BCAS1: variants seen among roughly 807,000 people sequenced by gnomAD.
BCAS1 encodes the protein brain enriched myelin associated protein 1.
BCAS1 carries 46 observed loss-of-function variants against 65.4 expected under a neutral mutation model. The ratio of observed to expected loss-of-function variants is 0.70; its 90% CI spans 0.55 to 0.90. The LOEUF is 0.90. BCAS1 is among the 40% of genes least tolerant of loss of function. The pLI, the probability that BCAS1 is intolerant of heterozygous loss-of-function variation, is 0.00. For synonymous variants in BCAS1, 298 were observed against 293.5 expected, an observed-to-expected ratio of 1.02 and a Z score of -0.16; for missense variants, 793 against 771.2, an observed-to-expected ratio of 1.03 and a Z score of -0.33.
At chr20:53,957,767 G>A (rs552662360) in intron 10 of BCAS1, among the ~76,000 whole-genome samples, 7 of 152,206 alleles carry the variant, frequency 4.6e-5, no homozygotes, top group East Asian at 1.9e-4. Flanking sequence ...AAATGATGAC[G>A]GTTCCAATTA....
chr20:54,011,648 T>G (rs149410566), intron 4 of BCAS1, among the ~76,000 whole-genome samples: 280 of 152,342 alleles, frequency 1.8e-3, no homozygotes, highest in Middle Eastern at 0.014. Flanking sequence ...TCACTTTACA[T>G]TGCTGGTAGA....
intron 8 of BCAS1, among the ~76,000 whole-genome samples, chr20:53,981,215 C>T (rs866212820): frequency 2.6e-5 from 4 of 152,340 alleles, no homozygotes; most frequent in Admixed American, 2.0e-4. Flanking sequence ...CCATTAACTT[C>T]ACAGTAGCCC....
chr20:54,020,030 G>C (rs2091523220), intron 4 of BCAS1, among the ~76,000 whole-genome samples: 1 of 152,142 alleles, frequency 6.6e-6, no homozygotes, highest in Non-Finnish European at 1.5e-5. Context: ...TATTAGTTCT[G>C]TCCCTTTGGA....
At chr20:54,041,911 A>G (rs866540829) in intron 3 of BCAS1, among the ~76,000 whole-genome samples, 2 of 140,908 alleles carry the variant, frequency 1.4e-5, no homozygotes, top group African/African-American at 5.5e-5. Flanking sequence ...GTCTCCCCCA[A>G]AAAAAAAAAA....
At chr20:53,960,099 T>C (rs1476157692) in intron 10 of BCAS1, among the ~76,000 whole-genome samples, 3 of 152,166 alleles carry the variant, frequency 2.0e-5, no homozygotes, top group Non-Finnish European at 4.4e-5. Context: ...TGTCAACCTT[T>C]GGGAATGTTG....
intron 8 of BCAS1, among the ~76,000 whole-genome samples, chr20:53,978,144 G>GT (rs532143927): frequency 3.4e-4 from 50 of 148,312 alleles, no homozygotes; most frequent in Middle Eastern, 7.1e-3. Context: ...GCAGTGTTTG[G>GT]TTTTTTGTGG....
intron 3 of BCAS1, among the ~76,000 whole-genome samples, chr20:54,056,753 T>C (rs1413372458): frequency 6.6e-6 from 1 of 152,122 alleles, no homozygotes; most frequent in Non-Finnish European, 1.5e-5. Flanking sequence ...TTGGAACCAA[T>C]GCTGTAATAT....
chr20:54,049,239 T>G (rs2299699), intron 3 of BCAS1, among the ~76,000 whole-genome samples: 27,103 of 152,148 alleles, frequency 0.18, 2,500 homozygotes, highest in East Asian at 0.31. Flanking sequence ...AATTAGTCTA[T>G]TCTTTTTAGG....
chr20:53,979,241 A>G (rs1175699858), intron 8 of BCAS1, among the ~76,000 whole-genome samples: 2 of 152,200 alleles, frequency 1.3e-5, no homozygotes, highest in African/African-American at 4.8e-5. Context: ...AAAGGTTTCA[A>G]GAAATGGACC....
At chr20:53,949,687 G>T (rs983113421) in intron 12 of BCAS1, among the ~76,000 whole-genome samples, 8 of 152,194 alleles carry the variant, frequency 5.3e-5, no homozygotes, top group African/African-American at 1.9e-4. Flanking sequence ...GACGATGCAG[G>T]ACTTGGGGTC....
At chr20:54,060,886 G>A (rs60949012) in intron 1 of BCAS1, among the ~76,000 whole-genome samples, 21,120 of 152,152 alleles carry the variant, frequency 0.14, 1,937 homozygotes, top group East Asian at 0.32. Flanking sequence ...CTTAATTATT[G>A]TTAGTCAATG....
chr20:54,015,119 G>A (rs1173788942), intron 4 of BCAS1, among the ~76,000 whole-genome samples: 3 of 150,108 alleles, frequency 2.0e-5, no homozygotes, highest in African/African-American at 4.9e-5. Flanking sequence ...TGCAACCTCC[G>A]CCTCCCAGGT....
chr20:54,066,841 ATCT>A (rs2092450082), intron 1 of BCAS1, among the ~76,000 whole-genome samples: 1 of 152,234 alleles, frequency 6.6e-6, no homozygotes, highest in African/African-American at 2.4e-5. Flanking sequence ...AATACAGATC[ATCT>A]TCTAGTAAGT....
At chr20:53,994,553 T>C (rs1358057032) in intron 6 of BCAS1, among the ~76,000 whole-genome samples, 3 of 152,196 alleles carry the variant, frequency 2.0e-5, no homozygotes, top group African/African-American at 7.2e-5. Context: ...AATAACATAT[T>C]TTTTAGAAAA....
intron 10 of BCAS1, among the ~76,000 whole-genome samples, chr20:53,961,875 T>C (rs393744): frequency 0.74 from 111,904 of 152,180 alleles, 41,465 homozygotes; most frequent in East Asian, 0.94. Flanking sequence ...TCTGTGTCCT[T>C]ATGTCCATCA....
In BCAS1 at chr20:53,995,983, TC is replaced by T; in HGVS notation, c.790del (p.Asp264ThrfsTer17). The T allele has an allele frequency of 6.2e-7, 1 of 1,613,608 alleles. No homozygotes were observed. Among genetic ancestry groups the T allele is most frequent in the Non-Finnish European group, 8.5e-7 (1 of 1,179,654 alleles). Reference protein sequence around the residue: ...LGTADCSVPGDPEGLETAKDD... With the variant: ...LGTADCSVPGXPEGLETAKDD... ...CTTTGCAGTCTCCAGTCCTTCTGGG[TC>T]CCCAGGGACAGAGCAATCCGCAGTT... is the stretch of plus-strand genomic sequence containing the variant. On this transcript the variant is annotated frameshift_variant, in exon 5 of 13. Transcript: ENST00000688948. LOFTEE classifies it high-confidence loss of function.
chr20:53,962,981 G>C (rs1308776570), intron 10 of BCAS1, among the ~76,000 whole-genome samples: 2 of 151,928 alleles, frequency 1.3e-5, no homozygotes, highest in Admixed American at 1.3e-4. Context: ...CTCCTGAGTA[G>C]CTGGGACTAC....
chr20:53,962,021 C>T (rs1171948762), intron 10 of BCAS1, among the ~76,000 whole-genome samples: 1 of 152,182 alleles, frequency 6.6e-6, no homozygotes, highest in Non-Finnish European at 1.5e-5. Flanking sequence ...TGCTGAACGA[C>T]TACAGAGACC....
At chr20:53,979,854 C>T (rs74691894) in intron 8 of BCAS1, among the ~76,000 whole-genome samples, 1 of 152,088 alleles carries the variant, frequency 6.6e-6, no homozygotes, top group East Asian at 1.9e-4. Context: ...TTAGCAACAG[C>T]AATTTTTATA....
Sources: allele counts gnomAD v4.1 joint callset (sites outside exome capture counted in the v4.1 genomes callset), GRCh38; gene constraint gnomAD v4.1.1; transcripts MANE v1.5; gene names NCBI Gene and HGNC (gene_info 2026-07-23, HGNC 2026-07-21).